The following PDSS1 variants were observed in gnomAD, a reference collection of about 807,000 sequenced individuals.
The protein encoded by PDSS1 is all trans-polyprenyl-diphosphate synthase PDSS1.
Under a neutral mutation model 57.5 loss-of-function variants are expected in PDSS1, and 43 were observed. That is an observed-to-expected ratio of 0.75 (90% CI 0.59 to 0.96). The LOEUF is 0.96. Ranked by LOEUF, PDSS1 falls within the 50% of genes least tolerant of loss-of-function variation. The pLI, the probability that PDSS1 is intolerant of heterozygous loss-of-function variation, is 0.00. For missense variants in PDSS1, 438 were observed against 527.8 expected (o/e 0.83, Z 1.67); for synonymous variants, 175 against 191.3 (o/e 0.91, Z 0.70).
At chr10:26,745,511 T>TAACA (rs1172996997) in intron 11 of PDSS1, among the ~76,000 whole-genome samples, 1 of 152,126 alleles carries the variant, frequency 6.6e-6, no homozygotes, top group East Asian at 1.9e-4. Context: ...ACCCTCATCT[T>TAACA]AACAAAAAGG....
At chr10:26,740,464 G>A (rs1304107138) in intron 10 of PDSS1, among the ~76,000 whole-genome samples, 2 of 152,170 alleles carry the variant, frequency 1.3e-5, no homozygotes, top group East Asian at 3.9e-4. Flanking sequence ...TATAAATTCT[G>A]TAAACACATT....
intron 10 of PDSS1, among the ~76,000 whole-genome samples, chr10:26,740,234 T>C (rs757939553): frequency 7.2e-5 from 11 of 151,796 alleles, no homozygotes; most frequent in Non-Finnish European, 1.2e-4. Flanking sequence ...CTTGAACCTA[T>C]AGGAGTTTGA....
In PDSS1 at chr10:26,720,056, A is replaced by G. The variant is rs1015337819; in HGVS notation, c.468-162A>G. On this transcript the variant is annotated intron_variant, in intron 5 of 11. Transcript: ENST00000376215. ...GTGGCAGGGTTTCTCATACATTTGT[A>G]AATGTATAGAAATGGCTGTGTGGTG... is the stretch of plus-strand genomic sequence containing the variant. 4 of 928,748 alleles carry G rather than the reference A, an allele frequency of 4.3e-6. No homozygotes were observed. In the African/African-American group the frequency reaches 6.6e-5, roughly 15 times the overall value. The allele number at this position is 928,748 out of a possible 1,614,324, so 57.5% of individuals were successfully genotyped here.
chr10:26,729,608 C>T (rs1279711651), intron 8 of PDSS1, among the ~76,000 whole-genome samples: 2 of 152,112 alleles, frequency 1.3e-5, no homozygotes, highest in African/African-American at 2.4e-5. Context: ...AAATTCATGA[C>T]TCATATCTCT....
Position 26,746,635 on chromosome 10 carries a change from T to G in PDSS1, c.*162T>G. The G allele has an allele frequency of 1.4e-6, 1 of 711,282 alleles. No individual in the cohort carries two copies. Among genetic ancestry groups the G allele is most frequent in the Non-Finnish European group, 2.4e-6 (1 of 425,264 alleles). The allele number at this position is 711,282 out of a possible 1,614,324, so 44.1% of individuals were successfully genotyped here. A position where few individuals can be genotyped will look rare whatever the true frequency, so the allele number is the denominator to read the frequency against. ...ATTTTTTTTTATTGCAAAAGTTTTT[T>G]CAGAAAACTTTTTAAATGTAATTAA... On this transcript the variant is annotated 3_prime_UTR_variant, in exon 12 of 12. Transcript: ENST00000376215.
chr10:26,734,070 A>G (rs963938341), intron 8 of PDSS1, among the ~76,000 whole-genome samples: 2 of 152,360 alleles, frequency 1.3e-5, no homozygotes, highest in Admixed American at 6.5e-5. Context: ...TGTTTCTCAC[A>G]GCAACCCTAC....
At chr10:26,702,486 G>C (rs1187932372) in intron 2 of PDSS1, among the ~76,000 whole-genome samples, 1 of 152,148 alleles carries the variant, frequency 6.6e-6, no homozygotes, top group Non-Finnish European at 1.5e-5. Flanking sequence ...ATAAGTGATT[G>C]GTAGTTCCTT....
At chr10:26,719,521 A>G (rs1388508383) in intron 5 of PDSS1, among the ~76,000 whole-genome samples, 1 of 152,254 alleles carries the variant, frequency 6.6e-6, no homozygotes, top group Non-Finnish European at 1.5e-5. Flanking sequence ...TGTAATCCAC[A>G]CTTTGGGAGG....
At chr10:26,700,469 A>G (rs923813577) in intron 1 of PDSS1, among the ~76,000 whole-genome samples, 1 of 152,120 alleles carries the variant, frequency 6.6e-6, no homozygotes, top group East Asian at 1.9e-4. Context: ...ACCCACATCT[A>G]TCTCGAATTG....
At chr10:26,703,036 A>G (rs1179472028) in intron 2 of PDSS1, among the ~76,000 whole-genome samples, 1 of 152,238 alleles carries the variant, frequency 6.6e-6, no homozygotes, top group Non-Finnish European at 1.5e-5. Context: ...TTGAATAGAT[A>G]CTGTATTAAA....
intron 11 of PDSS1, among the ~76,000 whole-genome samples, chr10:26,743,616 G>A (rs1836704958): frequency 6.6e-6 from 1 of 152,098 alleles, no homozygotes; most frequent in Non-Finnish European, 1.5e-5. Flanking sequence ...CAGAAATAAT[G>A]GTATTATTGA....
At chr10:26,728,773 T>TA in intron 8 of PDSS1, among the ~76,000 whole-genome samples, 1 of 96,722 alleles carries the variant, frequency 1.0e-5, no homozygotes, top group Admixed American at 1.4e-4. Context: ...TTATTCTGTA[T>TA]CTTTTTTTTT....
chr10:26,728,774 CTTTTTTTTT>C (rs33930147), intron 8 of PDSS1, among the ~76,000 whole-genome samples: 1 of 84,570 alleles, frequency 1.2e-5, no homozygotes, highest in Non-Finnish European at 2.1e-5. Context: ...TATTCTGTAT[CTTTTTTTTT>C]TTTTTTTTTT....
chr10:26,707,420 A>G (rs1588672853), intron 4 of PDSS1, among the ~76,000 whole-genome samples: 2 of 151,948 alleles, frequency 1.3e-5, no homozygotes, highest in African/African-American at 4.8e-5. Flanking sequence ...CTTGACCATC[A>G]CGTGATGGTC....
chr10:26,720,096 A>C, intron 5 of PDSS1, 122 bp from the exon 6 acceptor site: 6 of 1,429,946 alleles, frequency 4.2e-6, no homozygotes, highest in African/African-American at 1.4e-5. Context: ...CAGAGTTTTT[A>C]TACCGTTTCT....
chr10:26,700,460 C>T (rs1835015463), intron 1 of PDSS1, among the ~76,000 whole-genome samples: 1 of 152,048 alleles, frequency 6.6e-6, no homozygotes, highest in African/African-American at 2.4e-5. Context: ...TGTGTGCCCA[C>T]CCACATCTAT....
intron 8 of PDSS1, among the ~76,000 whole-genome samples, chr10:26,725,337 G>A (rs968530285): frequency 2.0e-5 from 3 of 152,182 alleles, no homozygotes; most frequent in African/African-American, 4.8e-5. Context: ...GTTTTGAAAA[G>A]TGTCAAGAAA....
chr10:26,741,945 GCT>G (rs1169855436), intron 10 of PDSS1, among the ~76,000 whole-genome samples: 2 of 152,156 alleles, frequency 1.3e-5, no homozygotes, highest in Non-Finnish European at 2.9e-5. Flanking sequence ...CGCAATCTCG[GCT>G]CACTGCAACC....
At chr10:26,704,614 T>C in intron 2 of PDSS1, 63 bp from the exon 3 acceptor site, 1 of 793,514 alleles carries the variant, frequency 1.3e-6, no homozygotes, top group Non-Finnish European at 2.3e-6. Context: ...GGGGGTTTTA[T>C]CATCCAATGT....
Sources: allele counts gnomAD v4.1 joint callset (sites outside exome capture counted in the v4.1 genomes callset), GRCh38; gene constraint gnomAD v4.1.1; transcripts MANE v1.5; gene names NCBI Gene and HGNC (gene_info 2026-07-23, HGNC 2026-07-21).